Variants in NOSTRIN observed in about 807,000 individuals in gnomAD.
NOSTRIN encodes BM247 homolog.
Under a neutral mutation model 59.0 loss-of-function variants are expected in NOSTRIN, and 63 were observed. The ratio of observed to expected loss-of-function variants is 1.07; its 90% CI spans 0.87 to 1.32. NOSTRIN has a LOEUF of 1.32. Ranked by LOEUF, NOSTRIN falls within the 40% of genes most tolerant of loss-of-function variation. The pLI is 0.00. For synonymous variants in NOSTRIN, 200 were observed against 165.4 expected (o/e 1.21, Z -1.61); for missense variants, 512 against 473.1 (o/e 1.08, Z -0.76).
intron 12 of NOSTRIN, among the ~76,000 whole-genome samples, chr2:168,858,794 G>T (rs921660029): frequency 3.3e-5 from 5 of 152,198 alleles, no homozygotes; most frequent in African/African-American, 1.2e-4. Context: ...GAGGTGTGGG[G>T]GAGAGAGGGA....
At chr2:168,796,244 G>A (rs920369090), upstream of NOSTRIN, among the ~76,000 whole-genome samples, 4 of 152,242 alleles carry the variant, frequency 2.6e-5, no homozygotes, top group Non-Finnish European at 5.9e-5. Context: ...CGTCGTCCAG[G>A]ACTCAGAACC....
In NOSTRIN at chr2:168,834,213, G is replaced by GT. The variant is rs775710247; in HGVS notation, c.406-8dup. The GT allele has an allele frequency of 4.5e-5, 39 of 869,152 alleles. No homozygotes were observed. Among genetic ancestry groups the GT allele is most frequent in the Non-Finnish European group, 6.4e-5 (32 of 500,144 alleles). The allele number at this position is 869,152 out of a possible 1,614,324, so 53.8% of individuals were successfully genotyped here. A position where few individuals can be genotyped will look rare whatever the true frequency, so the allele number is the denominator to read the frequency against. On this transcript the variant is annotated splice_polypyrimidine_tract_variant and intron_variant, in intron 6 of 15. Transcript: ENST00000317647. The stretch of plus-strand genomic sequence containing the variant: ...CTGCTCCTTTTTTTCTTGTTTGTAT[G>GT]TTTTTTACTCTAGGCCAAGAAGAAA...
At chr2:168,864,670 T>C (rs1689742251) in intron 15 of NOSTRIN, among the ~76,000 whole-genome samples, 164 bp from the exon 16 acceptor site, 1 of 152,230 alleles carries the variant, frequency 6.6e-6, no homozygotes, top group Non-Finnish European at 1.5e-5. Flanking sequence ...TTATGCCTGC[T>C]TTATACACAG....
At chr2:168,839,864 C>G (rs1336869811) in intron 7 of NOSTRIN, among the ~76,000 whole-genome samples, 2 of 125,730 alleles carry the variant, frequency 1.6e-5, no homozygotes, top group Non-Finnish European at 3.1e-5. Flanking sequence ...CCAGCCTGGC[C>G]GACCAGAGAG....
At chr2:168,851,903 G>C (rs1420019300) in intron 10 of NOSTRIN, among the ~76,000 whole-genome samples, 1 of 152,164 alleles carries the variant, frequency 6.6e-6, no homozygotes, top group Non-Finnish European at 1.5e-5. Context: ...TTGGGCTGCA[G>C]ACATCTCCAG....
intron 1 of NOSTRIN, among the ~76,000 whole-genome samples, chr2:168,807,283 G>C (rs111680696): frequency 0.017 from 2,559 of 151,808 alleles, 59 homozygotes; most frequent in African/African-American, 0.058. Flanking sequence ...CACACACACA[G>C]AGAGAGAGAG....
At chr2:168,831,834 G>A (rs115660930) in intron 6 of NOSTRIN, among the ~76,000 whole-genome samples, 1 of 152,260 alleles carries the variant, frequency 6.6e-6, no homozygotes, top group African/African-American at 2.4e-5. Context: ...TACAGATTGG[G>A]CAATGGAGAC....
intron 2 of NOSTRIN, among the ~76,000 whole-genome samples, chr2:168,816,349 T>C (rs1686402541): frequency 6.6e-6 from 1 of 152,142 alleles, no homozygotes; most frequent in African/African-American, 2.4e-5. Flanking sequence ...AATTTAGCCC[T>C]CATCATTTTA....
intron 7 of NOSTRIN, among the ~76,000 whole-genome samples, 182 bp downstream of exon 7, chr2:168,834,507 G>GCGCACACACACACACACA (rs756381301): frequency 5.4e-4 from 68 of 125,408 alleles, no homozygotes; most frequent in African/African-American, 6.7e-4. Flanking sequence ...GCGCGCGCGC[G>GCGCACACACACACACACA]CACACACACA....
intron 1 of NOSTRIN, among the ~76,000 whole-genome samples, chr2:168,804,466 T>C (rs187974486): frequency 3.9e-5 from 6 of 152,368 alleles, no homozygotes; most frequent in African/African-American, 1.2e-4. Context: ...GTGTTCAAGT[T>C]GATTTCCTGG....
upstream of NOSTRIN, chr2:168,801,256 CTT>C (rs747380889): frequency 3.4e-4 from 44 of 130,144 alleles, no homozygotes; most frequent in Non-Finnish European, 4.3e-4. Context: ...TTTCTGGAAG[CTT>C]TTTTTTTTTT....
At position 168,844,940 on chromosome 2, in the gene NOSTRIN, A is replaced by T. The variant is rs117408911; in HGVS notation, c.630+1823A>T. On this transcript the variant is annotated intron_variant, in intron 8 of 15. Transcript: ENST00000317647. ...CTCCTGCCCCATTGAAAACTGGGAG[A>T]GCAAAGGCTATATGGCAGGCGGAAA... is the stretch of plus-strand genomic sequence containing the variant. Among the ~76,000 whole-genome samples the T allele has an allele frequency of 5.3e-3, 808 of 151,998 alleles. 24 individuals are homozygous for T. In the East Asian group the frequency reaches 0.078, roughly 15 times the overall value.
At chr2:168,804,927 C>G (rs1265232099) in intron 1 of NOSTRIN, among the ~76,000 whole-genome samples, 1 of 152,108 alleles carries the variant, frequency 6.6e-6, no homozygotes, top group Non-Finnish European at 1.5e-5. Flanking sequence ...AGTTGTTGCA[C>G]ATATCTAGAA....
chr2:168,823,946 G>A (rs1422754884), intron 2 of NOSTRIN, among the ~76,000 whole-genome samples: 9 of 152,062 alleles, frequency 5.9e-5, no homozygotes, highest in Non-Finnish European at 1.3e-4. Context: ...ATTGTGGTAC[G>A]TGCCTGTAAT....
chr2:168,862,422 A>G (rs930866444), intron 15 of NOSTRIN, among the ~76,000 whole-genome samples: 1 of 152,234 alleles, frequency 6.6e-6, no homozygotes, highest in Non-Finnish European at 1.5e-5. Flanking sequence ...CATGCTCCTA[A>G]TCACAGTGCA....
chr2:168,864,204 GTAATCTGCC>G (rs1334487162), intron 15 of NOSTRIN, among the ~76,000 whole-genome samples: 4 of 151,834 alleles, frequency 2.6e-5, no homozygotes, highest in Admixed American at 2.0e-4. Context: ...TTGACCTCAA[GTAATCTGCC>G]TAATCTGCCC....
At chr2:168,824,209 C>T (rs1686924833) in intron 2 of NOSTRIN, among the ~76,000 whole-genome samples, 1 of 152,192 alleles carries the variant, frequency 6.6e-6, no homozygotes, top group Non-Finnish European at 1.5e-5. Context: ...GTAGGCATTA[C>T]ATTTTCAGCC....
chr2:168,844,105 T>G (rs1688260810), intron 8 of NOSTRIN, among the ~76,000 whole-genome samples: 1 of 152,224 alleles, frequency 6.6e-6, no homozygotes, highest in African/African-American at 2.4e-5. Context: ...TTACACAATC[T>G]GTGTAAATCA....
upstream of NOSTRIN, among the ~76,000 whole-genome samples, chr2:168,793,910 C>T (rs1685418811): frequency 6.6e-6 from 1 of 152,230 alleles, no homozygotes; most frequent in Non-Finnish European, 1.5e-5. Flanking sequence ...GTGTGACTAT[C>T]TCTTACCAGC....
Sources: allele counts gnomAD v4.1 joint callset (sites outside exome capture counted in the v4.1 genomes callset), GRCh38; gene constraint gnomAD v4.1.1; transcripts MANE v1.5; gene names NCBI Gene and HGNC (gene_info 2026-07-23, HGNC 2026-07-21).